The following TP63 variants were observed in gnomAD, a reference collection of about 807,000 sequenced individuals.
TP63 encodes the protein tumor protein p63, also known as tumor protein 63.
TP63 carries 17 observed loss-of-function variants against 82.8 expected under a neutral mutation model. The ratio of observed to expected loss-of-function variants is 0.21; its 90% CI spans 0.14 to 0.31. The LOEUF is 0.31. Ranked by LOEUF, TP63 falls within the 10% of genes least tolerant of loss-of-function variation. The pLI, the probability that TP63 is intolerant of heterozygous loss-of-function variation, is 1.00. For synonymous variants in TP63, 330 were observed against 321.7 expected (o/e 1.03, Z -0.28); for missense variants, 648 against 895.3 (o/e 0.72, Z 3.52).
chr3:189,639,823 T>C (rs143876977), intron 1 of TP63, among the ~76,000 whole-genome samples: 5,462 of 152,208 alleles, frequency 0.036, 134 homozygotes, highest in Non-Finnish European at 0.05. Flanking sequence ...TGGGAATAAA[T>C]AATAGAACAT....
chr3:189,735,258 C>CA (rs1720493955), intron 1 of TP63, among the ~76,000 whole-genome samples: 1 of 152,194 alleles, frequency 6.6e-6, no homozygotes, highest in Non-Finnish European at 1.5e-5. Flanking sequence ...CTATTCTGCA[C>CA]AGGTCGTTTT....
chr3:189,783,188 T>G (rs1724357700), intron 3 of TP63, among the ~76,000 whole-genome samples: 1 of 151,924 alleles, frequency 6.6e-6, no homozygotes, highest in Admixed American at 6.6e-5. Flanking sequence ...AAATTTAACA[T>G]AATGCATTCA....
At chr3:189,658,275 T>C (rs1373062837) in intron 1 of TP63, among the ~76,000 whole-genome samples, 1 of 152,032 alleles carries the variant, frequency 6.6e-6, no homozygotes, top group Non-Finnish European at 1.5e-5. Flanking sequence ...GAATAAATTA[T>C]TGGATAAGCA....
At chr3:189,597,878 A>G in the TP63 span, among the ~76,000 whole-genome samples, 3 of 151,932 alleles carry the variant, frequency 2.0e-5, no homozygotes, top group Non-Finnish European at 4.4e-5. Context: ...GCAGTGAGCC[A>G]TGATTGTACC....
At chr3:189,810,863 A>AAT (rs1560207617) in intron 4 of TP63, among the ~76,000 whole-genome samples, 1 of 151,874 alleles carries the variant, frequency 6.6e-6, no homozygotes, top group Non-Finnish European at 1.5e-5. Flanking sequence ...CGTCTCCAAA[A>AAT]AAAAAAAAAA....
intron 3 of TP63, among the ~76,000 whole-genome samples, chr3:189,774,201 C>G (rs997931013): frequency 6.6e-6 from 1 of 152,032 alleles, no homozygotes; most frequent in South Asian, 2.1e-4. Flanking sequence ...GGATTACAGG[C>G]GTGAGCCACC....
the TP63 span, among the ~76,000 whole-genome samples, chr3:189,619,642 A>G: frequency 2.6e-5 from 4 of 152,188 alleles, no homozygotes; most frequent in Non-Finnish European, 4.4e-5. Flanking sequence ...AGGTATCAGT[A>G]CAACTTAGCA....
At chr3:189,696,220 C>T (rs567901994) in intron 1 of TP63, among the ~76,000 whole-genome samples, 1 of 152,232 alleles carries the variant, frequency 6.6e-6, no homozygotes, top group Admixed American at 6.5e-5. Flanking sequence ...CCACCAACTC[C>T]AAGTTCCAGA....
intron 13 of TP63, among the ~76,000 whole-genome samples, chr3:189,893,035 A>T (rs186022496): frequency 3.3e-4 from 50 of 152,306 alleles, no homozygotes; most frequent in Admixed American, 3.1e-3. Context: ...CTCAGCTTTT[A>T]TCTTAGAGCC....
chr3:189,771,678 A>T (rs891380143), intron 3 of TP63, among the ~76,000 whole-genome samples: 2 of 151,662 alleles, frequency 1.3e-5, no homozygotes, highest in Non-Finnish European at 2.9e-5. Context: ...GTATAAGTAC[A>T]ACTCATGATT....
At chr3:189,761,197 G>A (rs538058253) in intron 3 of TP63, among the ~76,000 whole-genome samples, 18 of 152,172 alleles carry the variant, frequency 1.2e-4, no homozygotes, top group Admixed American at 2.6e-4. Flanking sequence ...GCAAATTGCT[G>A]CAGCCAACTT....
chr3:189,708,506 G>A (rs1718362532), intron 1 of TP63, among the ~76,000 whole-genome samples: 1 of 152,160 alleles, frequency 6.6e-6, no homozygotes, highest in Admixed American at 6.6e-5. Context: ...AATTTCTGAG[G>A]AAAACCTCAA....
intron 3 of TP63, 142 bp from the exon 4 acceptor site, chr3:189,808,130 A>C (rs1727117454): frequency 7.1e-7 from 1 of 1,406,038 alleles, no homozygotes; most frequent in Non-Finnish European, 9.9e-7. Context: ...TTTACCAAAA[A>C]TCAACGGTTT....
chr3:189,749,528 A>G (rs1377855012), intron 3 of TP63, among the ~76,000 whole-genome samples: 1 of 148,198 alleles, frequency 6.7e-6, no homozygotes, highest in African/African-American at 2.7e-5. Flanking sequence ...TTCAAATGAC[A>G]AAAAATAACA....
chr3:189,891,881 T>G (rs1200870890), intron 13 of TP63, among the ~76,000 whole-genome samples: 1 of 152,074 alleles, frequency 6.6e-6, no homozygotes, highest in Non-Finnish European at 1.5e-5. Flanking sequence ...TGCTGCTACT[T>G]CTATTGTTGG....
chr3:189,614,709 T>C, the TP63 span, among the ~76,000 whole-genome samples: 4 of 152,318 alleles, frequency 2.6e-5, no homozygotes, highest in South Asian at 4.1e-4. Flanking sequence ...TAATCTGAAA[T>C]TGACTGTACA....
intron 1 of TP63, among the ~76,000 whole-genome samples, chr3:189,656,365 A>G (rs1251683615): frequency 6.6e-6 from 1 of 152,184 alleles, no homozygotes; most frequent in Admixed American, 6.5e-5. Context: ...CAATTTTTAC[A>G]TAAATAGAGG....
intron 1 of TP63, among the ~76,000 whole-genome samples, chr3:189,669,758 T>C (rs1714730137): frequency 6.6e-6 from 1 of 151,954 alleles, no homozygotes; most frequent in African/African-American, 2.4e-5. Flanking sequence ...AGAGCTATTA[T>C]CATAAAGTAA....
intron 1 of TP63, among the ~76,000 whole-genome samples, chr3:189,659,018 C>A (rs535274401): frequency 6.6e-6 from 1 of 151,890 alleles, no homozygotes. Context: ...TGAAATATAA[C>A]GCTATTCTAA....
Sources: gnomAD v4.1 joint callset for allele counts (sites outside exome capture counted in the v4.1 genomes callset) on GRCh38, gnomAD v4.1.1 for gene constraint, MANE v1.5 for transcripts, NCBI Gene and HGNC (gene_info 2026-07-23, HGNC 2026-07-21) for gene names.